Variants in SIPA1L2 observed in about 807,000 individuals in gnomAD.
SIPA1L2 encodes signal-induced proliferation-associated 1-like protein 2.
In SIPA1L2, 56 loss-of-function variants were observed where a neutral mutation model predicts 163.9. The ratio of observed to expected loss-of-function variants is 0.34; its 90% CI spans 0.28 to 0.43. The LOEUF (loss-of-function observed/expected upper bound fraction) is 0.43, where lower values mean the gene tolerates loss of function less well. SIPA1L2 is among the 20% of genes least tolerant of loss of function. The pLI is 1.00. For missense variants in SIPA1L2, 1,974 were observed against 2,193.5 expected (o/e 0.90, Z 2.00); for synonymous variants, 877 against 865.7 (o/e 1.01, Z -0.23).
At chr1:232,554,998 C>G (rs201730044) in intron 2 of SIPA1L2, among the ~76,000 whole-genome samples, 1 of 151,502 alleles carries the variant, frequency 6.6e-6, no homozygotes, top group African/African-American at 2.4e-5. Context: ...AGCAAATAAA[C>G]AAGAAATTGA....
At chr1:232,593,696 A>G (rs1217402666) in intron 1 of SIPA1L2, among the ~76,000 whole-genome samples, 1 of 151,918 alleles carries the variant, frequency 6.6e-6, no homozygotes, top group African/African-American at 2.4e-5. Flanking sequence ...AAATTAAATG[A>G]AAAGATACAA....
chr1:232,404,211 G>C (rs1660511827), intron 19 of SIPA1L2, 33 bp from the exon 20 acceptor site: 1 of 1,604,506 alleles, frequency 6.2e-7, no homozygotes, highest in African/African-American at 1.3e-5. Context: ...CCTATGAACA[G>C]GAGTATCTCT....
chr1:232,445,499 C>T (rs1459310847), intron 11 of SIPA1L2, 30 bp downstream of exon 11: 1 of 1,612,208 alleles, frequency 6.2e-7, no homozygotes. Context: ...TTTACAAGGG[C>T]CCCCCTTGAG....
intron 10 of SIPA1L2, among the ~76,000 whole-genome samples, chr1:232,448,022 G>A (rs1663316703): frequency 6.6e-6 from 1 of 152,216 alleles, no homozygotes; most frequent in Admixed American, 6.5e-5. Flanking sequence ...TCATGTGAAA[G>A]TCAGGTGTGG....
At position 232,603,020 on chromosome 1, in the gene SIPA1L2, G is replaced by C. The variant is rs540754180; in HGVS notation, c.-319+26849C>G. ...TCCTAAGTAAGGCAGGAGCAGGGGG[G>C]ATAAAAAAGACAGATTCGAAGGCAT... is the stretch of plus-strand genomic sequence containing the variant. On this transcript the variant is annotated intron_variant, in intron 1 of 22. Transcript: ENST00000674635. Among the ~76,000 whole-genome samples, 98 of 152,308 alleles carry C rather than the reference G, an allele frequency of 6.4e-4. 2 individuals are homozygous for C. In the South Asian group the frequency reaches 7.0e-3, roughly 11 times the overall value.
intron 2 of SIPA1L2, among the ~76,000 whole-genome samples, chr1:232,524,394 G>A (rs1271664610): frequency 1.3e-5 from 2 of 152,168 alleles, no homozygotes; most frequent in Non-Finnish European, 2.9e-5. Flanking sequence ...GCCGGTGAGG[G>A]TCTGGGGGAT....
chr1:232,461,286 T>TGAG (rs762875102), intron 9 of SIPA1L2, 125 bp from the exon 10 acceptor site: 58 of 1,197,370 alleles, frequency 4.8e-5, no homozygotes, highest in East Asian at 3.3e-4. Flanking sequence ...CCAGCCTGTC[T>TGAG]CTCTCTGCCT....
At chr1:232,581,999 A>T (rs1660403296) in intron 1 of SIPA1L2, among the ~76,000 whole-genome samples, 1 of 152,190 alleles carries the variant, frequency 6.6e-6, no homozygotes, top group Admixed American at 6.5e-5. Context: ...CTCTTATGTA[A>T]CTTCTTGATA....
At chr1:232,616,978 G>A (rs954555014) in intron 1 of SIPA1L2, among the ~76,000 whole-genome samples, 2 of 152,152 alleles carry the variant, frequency 1.3e-5, no homozygotes, top group African/African-American at 4.8e-5. Flanking sequence ...TTTTTTCAGG[G>A]CTAATTGATT....
intron 3 of SIPA1L2, among the ~76,000 whole-genome samples, chr1:232,510,743 C>T (rs1398029099): frequency 6.6e-6 from 1 of 152,038 alleles, no homozygotes; most frequent in Non-Finnish European, 1.5e-5. Context: ...GGAACAGACC[C>T]TGGGGACATT....
chr1:232,587,927 C>G (rs111812531), intron 1 of SIPA1L2, among the ~76,000 whole-genome samples: 2 of 152,162 alleles, frequency 1.3e-5, no homozygotes, highest in Admixed American at 6.5e-5. Context: ...GTGAGACGTG[C>G]CTTTCACCTT....
intron 2 of SIPA1L2, among the ~76,000 whole-genome samples, chr1:232,568,925 G>A (rs749650593): frequency 5.9e-5 from 9 of 152,208 alleles, no homozygotes; most frequent in Non-Finnish European, 8.8e-5. Context: ...ACCTTTTATC[G>A]GAGCTATTTA....
intron 1 of SIPA1L2, among the ~76,000 whole-genome samples, chr1:232,610,892 TATACTA>T (rs1662202283): frequency 6.6e-6 from 1 of 152,168 alleles, no homozygotes; most frequent in Non-Finnish European, 1.5e-5. Flanking sequence ...AAACTCTATT[TATACTA>T]ACAATAGGCC....
chr1:232,468,075 G>T lies in SIPA1L2; in HGVS notation c.2244-2659C>A, dbSNP rs1385744836. On this transcript the variant is annotated intron_variant, in intron 8 of 22. Coordinates refer to ENST00000674635, the MANE Select transcript of SIPA1L2 (RefSeq NM_020808.5). ...AGCATGGCTATTCCATGATTGTTATGATATTCTGGGTATGGGAATCAATTA... is the reference window on the plus strand; with the variant it reads ...AGCATGGCTATTCCATGATTGTTATTATATTCTGGGTATGGGAATCAATTA... Among the ~76,000 whole-genome samples the T allele has an allele frequency of 2.6e-5, 4 of 152,288 alleles. No homozygotes were observed. The South Asian group carries it at 8.3e-4, about 32-fold the overall frequency.
intron 1 of SIPA1L2, among the ~76,000 whole-genome samples, chr1:232,627,679 C>A (rs1360733): frequency 0.34 from 51,738 of 152,022 alleles, 9,238 homozygotes; most frequent in African/African-American, 0.44. Flanking sequence ...TCTATGATTT[C>A]AAAACATAAA....
intron 22 of SIPA1L2, among the ~76,000 whole-genome samples, chr1:232,401,830 GC>G (rs1408558985): frequency 2.0e-5 from 3 of 152,198 alleles, no homozygotes; most frequent in African/African-American, 7.2e-5. Context: ...CCTCCCGCTT[GC>G]TACCGCACCC....
chr1:232,440,429 C>T (rs1007177564), intron 14 of SIPA1L2, among the ~76,000 whole-genome samples: 1 of 152,166 alleles, frequency 6.6e-6, no homozygotes, highest in Non-Finnish European at 1.5e-5. Flanking sequence ...CACTGATATT[C>T]TCAAAACTAC....
chr1:232,560,655 A>G (rs1658979640), intron 2 of SIPA1L2, among the ~76,000 whole-genome samples: 1 of 152,074 alleles, frequency 6.6e-6, no homozygotes, highest in African/African-American at 2.4e-5. Context: ...CTCAGCCTTC[A>G]TGAGCCTCAA....
At chr1:232,519,872 T>G (rs534079378) in intron 2 of SIPA1L2, among the ~76,000 whole-genome samples, 1 of 152,198 alleles carries the variant, frequency 6.6e-6, no homozygotes. Context: ...AATAGTTAAA[T>G]GGACTCATAC....
Sources: allele counts gnomAD v4.1 joint callset (sites outside exome capture counted in the v4.1 genomes callset), GRCh38; gene constraint gnomAD v4.1.1; transcripts MANE v1.5; gene names NCBI Gene and HGNC (gene_info 2026-07-23, HGNC 2026-07-21).